Variants in PCDH11X observed in about 807,000 individuals in gnomAD.
PCDH11X encodes the protein protocadherin-11 X-linked.
Under a neutral mutation model 53.3 loss-of-function variants are expected in PCDH11X, and 18 were observed. The ratio of observed to expected loss-of-function variants is 0.34; its 90% CI spans 0.23 to 0.50. The LOEUF is 0.50. Ranked by LOEUF, PCDH11X falls within the 20% of genes least tolerant of loss-of-function variation. The pLI is 0.98. For synonymous variants in PCDH11X, 279 were observed against 393.3 expected, an observed-to-expected ratio of 0.71 and a Z score of 3.44; for missense variants, 570 against 1,032.4, an observed-to-expected ratio of 0.55 and a Z score of 6.14.
chrX:91,853,601 CTT>C (rs1191501236), intron 5 of PCDH11X, among the ~76,000 whole-genome samples: 1 of 107,952 alleles, frequency 9.3e-6, no homozygotes, highest in Non-Finnish European at 1.9e-5. Context: ...AAATAATAAA[CTT>C]TGAGCGAAAC....
At chrX:92,050,942 G>C (rs1023636643) in intron 6 of PCDH11X, among the ~76,000 whole-genome samples, 1 of 110,519 alleles carries the variant, frequency 9.0e-6, no homozygotes, top group Non-Finnish European at 1.9e-5. Flanking sequence ...TGCCCCCTTT[G>C]TGTCTACTCA....
chrX:92,069,947 G>A (rs12845235), intron 6 of PCDH11X, among the ~76,000 whole-genome samples: 14 of 111,001 alleles, frequency 1.3e-4, no homozygotes, highest in African/African-American at 6.6e-5. Context: ...CTCCCAAAGC[G>A]CTAGCCAGGA....
intron 6 of PCDH11X, among the ~76,000 whole-genome samples, chrX:91,930,289 ATAG>A (rs1186100145): frequency 1.8e-5 from 2 of 109,202 alleles, no homozygotes; most frequent in African/African-American, 6.6e-5. Context: ...AGCATACCTG[ATAG>A]TGGTGGTAAA....
chrX:92,544,553 C>T (rs1443352158), intron 10 of PCDH11X, among the ~76,000 whole-genome samples: 1 of 107,939 alleles, frequency 9.3e-6, no homozygotes, highest in Non-Finnish European at 1.9e-5. Context: ...GATTATTTTG[C>T]TTTTGTTTTA....
At chrX:92,375,213 T>C (rs1310037592) in intron 8 of PCDH11X, among the ~76,000 whole-genome samples, 1 of 77,448 alleles carries the variant, frequency 1.3e-5, no homozygotes, top group Non-Finnish European at 2.4e-5. Flanking sequence ...TCTTGCTCAG[T>C]TGCCCAGGCT....
Position 92,460,793 on chromosome X carries a change from C to A in PCDH11X, c.3344-7506C>A. The A allele has an allele frequency of 4.3e-6, 5 of 1,153,999 alleles. No homozygotes were observed. In the South Asian group the frequency reaches 7.3e-5, roughly 17 times the overall value. On this transcript the variant is annotated intron_variant, in intron 9 of 10. Coordinates refer to ENST00000682573, the MANE Select transcript of PCDH11X (RefSeq NM_032968.5). ...AGGTCAAGCTGGAGGCTGAGATCGC[C>A]ACCTACCGCCGCCTGCTGGAAGATG...
At chrX:92,249,437 T>C (rs1474289252) in intron 7 of PCDH11X, among the ~76,000 whole-genome samples, 1 of 112,363 alleles carries the variant, frequency 8.9e-6, no homozygotes, top group Non-Finnish European at 1.9e-5. Flanking sequence ...GGTATCTTTA[T>C]GCAAAATTCA....
chrX:92,106,449 A>T (rs1351247390), intron 6 of PCDH11X, among the ~76,000 whole-genome samples: 1 of 111,950 alleles, frequency 8.9e-6, no homozygotes, highest in Non-Finnish European at 1.9e-5. Context: ...GCAAATTTTT[A>T]AAATATGTGA....
intron 6 of PCDH11X, among the ~76,000 whole-genome samples, chrX:91,972,780 A>C (rs1445236414): frequency 9.1e-6 from 1 of 110,136 alleles, no homozygotes; most frequent in Non-Finnish European, 1.9e-5. Flanking sequence ...GTTATTTCTG[A>C]GGGCTCTGTT....
At chrX:92,280,790 T>A (rs765178150) in intron 8 of PCDH11X, among the ~76,000 whole-genome samples, 1,804 of 108,621 alleles carry the variant, frequency 0.017, 18 homozygotes, top group Admixed American at 0.031. Context: ...TATATTTTTT[T>A]TAAAAAAAAA....
chrX:91,936,781 G>A (rs1055734912), intron 6 of PCDH11X, among the ~76,000 whole-genome samples: 2 of 107,849 alleles, frequency 1.9e-5, no homozygotes, highest in Non-Finnish European at 3.8e-5. Flanking sequence ...TATCTGCATC[G>A]ATGTTATTAA....
intron 6 of PCDH11X, among the ~76,000 whole-genome samples, chrX:92,116,126 G>C (rs546399354): frequency 8.9e-6 from 1 of 112,064 alleles, no homozygotes; most frequent in East Asian, 2.8e-4. Flanking sequence ...GTTTTAGTTA[G>C]CTCAACACTT....
chrX:92,614,161 A>G (rs998445476), intron 10 of PCDH11X, among the ~76,000 whole-genome samples: 7 of 110,388 alleles, frequency 6.3e-5, no homozygotes, highest in Admixed American at 1.9e-4. Context: ...GTTAAGGACC[A>G]TTGGTGGAGG....
At position 92,103,036 on chromosome X, in the gene PCDH11X, T is replaced by C. The variant is rs181393604; in HGVS notation, c.3034-98339T>C. ...TGATTAGGTTTTAATGGGATGGTAATGGGCATGTGATCAGTTGCCAGGGAA... is the reference window on the plus strand; with the variant it reads ...TGATTAGGTTTTAATGGGATGGTAACGGGCATGTGATCAGTTGCCAGGGAA... On this transcript the variant is annotated intron_variant, in intron 6 of 10. Coordinates refer to ENST00000682573, the MANE Select transcript of PCDH11X (RefSeq NM_032968.5). 7.6e-3 allele frequency among the ~76,000 whole-genome samples: 839 copies of C among 110,200 alleles called. 11 individuals are homozygous for C. Among genetic ancestry groups the C allele is most frequent in the African/African-American group, 0.026 (781 of 30,218 alleles).
chrX:92,157,325 A>G (rs2065555390), intron 6 of PCDH11X, among the ~76,000 whole-genome samples: 1 of 111,777 alleles, frequency 8.9e-6, no homozygotes, highest in South Asian at 3.7e-4. Flanking sequence ...CATGGTAAAT[A>G]ATGATTTAAT....
At chrX:92,318,729 A>G (rs756710548) in intron 8 of PCDH11X, among the ~76,000 whole-genome samples, 1 of 111,277 alleles carries the variant, frequency 9.0e-6, no homozygotes, top group Non-Finnish European at 1.9e-5. Flanking sequence ...CTTTCTAATC[A>G]TAGGAAAATT....
At position 92,338,245 on chromosome X, in the gene PCDH11X, C is replaced by A. The variant is rs559222386; in HGVS notation, c.3145-49490C>A. Among the ~76,000 whole-genome samples, 55 of 111,622 alleles carry A rather than the reference C, an allele frequency of 4.9e-4. 1 individual carries two copies. In the South Asian group the frequency reaches 0.02, roughly 41 times the overall value. On this transcript the variant is annotated intron_variant, in intron 8 of 10. Transcript: ENST00000682573. ...TCTTAAGTAAATGTTATATTAATTT[C>A]TTGTTTCTTAAGTAGACAGTTATTA... is the stretch of plus-strand genomic sequence containing the variant.
intron 6 of PCDH11X, among the ~76,000 whole-genome samples, chrX:91,992,773 T>C (rs754191786): frequency 2.0e-4 from 22 of 109,027 alleles, no homozygotes; most frequent in African/African-American, 7.0e-4. Context: ...AACAGCCTTA[T>C]GGGGCAATTA....
intron 9 of PCDH11X, among the ~76,000 whole-genome samples, chrX:92,453,847 A>G (rs1038157282): frequency 1.8e-5 from 2 of 110,871 alleles, no homozygotes; most frequent in African/African-American, 3.3e-5. Flanking sequence ...TATTAATAAT[A>G]TTTTCAATGA....
Sources: allele counts gnomAD v4.1 joint callset (sites outside exome capture counted in the v4.1 genomes callset), GRCh38; gene constraint gnomAD v4.1.1; transcripts MANE v1.5; gene names NCBI Gene and HGNC (gene_info 2026-07-23, HGNC 2026-07-21).